The following CHD7 variants were observed in gnomAD, a reference collection of about 807,000 sequenced individuals.
The protein encoded by CHD7 is ATP-dependent chromatin remodeler CHD7.
A neutral mutation model predicts 307.3 loss-of-function variants in CHD7; 24 were observed. The observed-to-expected ratio is 0.08, with a 90% CI of 0.06 to 0.11. The LOEUF (loss-of-function observed/expected upper bound fraction) is 0.11. CHD7 is among the 10% of genes least tolerant of loss of function. The pLI, the probability that CHD7 is intolerant of heterozygous loss-of-function variation, is 1.00. For synonymous variants in CHD7, 1,363 were observed against 1,349.9 expected (o/e 1.01, Z -0.21); for missense variants, 3,106 against 3,727.1 (o/e 0.83, Z 4.34).
chr8:60,772,539 G>T, intron 2 of CHD7, among the ~76,000 whole-genome samples: 1 of 152,218 alleles, frequency 6.6e-6, no homozygotes, highest in East Asian at 1.9e-4. Context: ...TTGATCCTTA[G>T]TAAGCTGGGT....
chr8:60,769,421 C>G (rs1403174978), intron 2 of CHD7, among the ~76,000 whole-genome samples: 1 of 152,158 alleles, frequency 6.6e-6, no homozygotes, highest in Non-Finnish European at 1.5e-5. Flanking sequence ...ACTTTTATCT[C>G]ATAAAAATAG....
intron 8 of CHD7, among the ~76,000 whole-genome samples, 171 bp downstream of exon 8, chr8:60,816,672 T>C (rs1435028955): frequency 6.6e-6 from 1 of 152,236 alleles, no homozygotes; most frequent in African/African-American, 2.4e-5. Flanking sequence ...AATTTCTCAT[T>C]CTTCCTGTTG....
At chr8:60,795,195 T>G in intron 4 of CHD7, 68 bp downstream of exon 4, 1 of 1,451,168 alleles carries the variant, frequency 6.9e-7, no homozygotes, top group Non-Finnish European at 9.5e-7. Flanking sequence ...ATGTATGAAG[T>G]ACACAAGACC....
chr8:60,696,833 A>T (rs966471654), intron 1 of CHD7, among the ~76,000 whole-genome samples: 4 of 151,722 alleles, frequency 2.6e-5, no homozygotes, highest in African/African-American at 9.7e-5. Context: ...AATACTTTCA[A>T]ATTTTGCATG....
At chr8:60,764,596 G>A (rs1364857805) in intron 2 of CHD7, among the ~76,000 whole-genome samples, 1 of 152,126 alleles carries the variant, frequency 6.6e-6, no homozygotes, top group African/African-American at 2.4e-5. Context: ...TCAAAGATGA[G>A]GTAAGAAGCT....
intron 2 of CHD7, among the ~76,000 whole-genome samples, chr8:60,745,033 T>C (rs1017886526): frequency 2.0e-5 from 3 of 150,246 alleles, no homozygotes; most frequent in African/African-American, 7.3e-5. Context: ...GCAGCTTCCC[T>C]GAAGACCTTG....
intron 2 of CHD7, among the ~76,000 whole-genome samples, chr8:60,755,239 T>A (rs1809833172): frequency 6.6e-6 from 1 of 152,156 alleles, no homozygotes; most frequent in Non-Finnish European, 1.5e-5. Context: ...AGCTAAATTT[T>A]AAAAAATAAG....
chr8:60,741,502 C>G lies in CHD7; in HGVS notation c.70C>G (p.Leu24Val). 1 of 1,612,788 alleles carries G rather than the reference C, an allele frequency of 6.2e-7. No homozygotes were observed. The highest frequency in any genetic ancestry group is 8.5e-7 in the Non-Finnish European group (1 of 1,179,370). ...GNIFSEGLEG[L>V]GECGYPENPV... ...TATTTTCAGTGAAGGTCTTGAAGGC[C>G]TCGGAGAATGTGGTTACCCGGAAAA... The change falls in exon 2 of 38, where the codon CTC (leucine) becomes GTC (valine). Residue 24 changes from leucine to valine, a missense_variant. By Grantham distance (32) the Leu-to-Val change is conservative. Coordinates refer to ENST00000423902, the MANE Select transcript of CHD7 (RefSeq NM_017780.4).
chr8:60,862,419 GA>G (rs778088169), intron 36 of CHD7, 83 bp downstream of exon 36: 26 of 1,509,564 alleles, frequency 1.7e-5, no homozygotes, highest in Non-Finnish European at 2.1e-5. Context: ...TTCTATAGGG[GA>G]AAAGAATCCT....
At chr8:60,800,278 C>G in intron 4 of CHD7, 110 bp from the exon 5 acceptor site, 2 of 1,020,054 alleles carry the variant, frequency 2.0e-6, no homozygotes, top group South Asian at 3.5e-5. Flanking sequence ...GTGATCCGCC[C>G]GCCTCGGCCT....
Position 60,865,351 on chromosome 8 carries a change from G to C in CHD7, c.8412G>C (p.Ala2804=). The C allele has an allele frequency of 1.9e-6, 3 of 1,611,060 alleles. No individual in the cohort carries two copies. The highest frequency in any genetic ancestry group is 2.5e-6 in the Non-Finnish European group (3 of 1,178,988). The change falls in exon 38 of 38, where the codon GCG becomes GCC. Residue 2804 remains alanine (A), a synonymous_variant. Transcript: ENST00000423902. This position sits in a 1 kb window ranked among gnomAD's most constrained non-coding sequence, Gnocchi z 4.3. ...TGCCCCTGATGCTGCCAGGAATGGC[G>C]GGCCTGCCCAACGTGTTTGGCTTGG... ...AVLPLMLPGM[A]GLPNVFGLGG... is the part of the protein sequence containing the mutation.
chr8:60,811,880 A>G (rs906565053), intron 7 of CHD7, among the ~76,000 whole-genome samples: 5 of 152,170 alleles, frequency 3.3e-5, no homozygotes, highest in Non-Finnish European at 5.9e-5. Context: ...AAGAAATTGT[A>G]TTTCAGTTGA....
chr8:60,750,518 ATTT>A (rs1809588064), intron 2 of CHD7, among the ~76,000 whole-genome samples: 1 of 152,250 alleles, frequency 6.6e-6, no homozygotes, highest in African/African-American at 2.4e-5. Context: ...AATACAACGC[ATTT>A]ATGTTGATAC....
At chr8:60,833,245 A>G (rs1463261409) in intron 15 of CHD7, among the ~76,000 whole-genome samples, 2 of 152,364 alleles carry the variant, frequency 1.3e-5, no homozygotes, top group African/African-American at 4.8e-5. Flanking sequence ...GAAAAATAGA[A>G]GCAATTTTAT....
chr8:60,742,320 C>T lies in CHD7; in HGVS notation c.888C>T (p.Ser296=), dbSNP rs754445442. ...RPQTLNFSSR[S]QTVPSPTINN... The stretch of plus-strand genomic sequence containing the variant: ...AAACCCTTAACTTTAGTTCTCGGAG[C>T]CAGACAGTCCCCTCTCCTACTATAA... Residue 296 remains serine, a synonymous_variant, in exon 2 of 38, where the codon AGC becomes AGT. Coordinates refer to ENST00000423902, the MANE Select transcript of CHD7 (RefSeq NM_017780.4). 2 of 1,613,994 alleles carry T rather than the reference C, an allele frequency of 1.2e-6. No individual in the cohort carries two copies. Among genetic ancestry groups the T allele is most frequent in the South Asian group, 2.2e-5 (2 of 91,086 alleles).
At chr8:60,737,509 A>G (rs967490460) in intron 1 of CHD7, among the ~76,000 whole-genome samples, 8 of 152,214 alleles carry the variant, frequency 5.3e-5, no homozygotes, top group Non-Finnish European at 8.8e-5. Context: ...GAAGGTCTTC[A>G]GAGTGCTTCC....
Position 60,795,076 on chromosome 8 carries a change from A to T in CHD7, c.2187A>T (p.Lys729Asn). 1 of 1,613,826 alleles carries T rather than the reference A, an allele frequency of 6.2e-7. No individual in the cohort carries two copies. ...GTTCTGAAAATTCAGACTTAGACAAAACACCCCCACCATCTCCTCCTCCTG... is the reference window on the plus strand; with the variant it reads ...GTTCTGAAAATTCAGACTTAGACAATACACCCCCACCATCTCCTCCTCCTG... ...TEGSENSDLD[K>N]TPPPSPPPEE... The change falls in exon 4 of 38, where the codon AAA (lysine) becomes AAT (asparagine). Residue 729 changes from lysine to asparagine, a missense_variant. Lys to Asn is a moderately conservative substitution (Grantham distance 94). Coordinates refer to ENST00000423902, the MANE Select transcript of CHD7 (RefSeq NM_017780.4).
intron 2 of CHD7, among the ~76,000 whole-genome samples, chr8:60,761,561 C>G (rs1810207505): frequency 6.6e-6 from 1 of 151,418 alleles, no homozygotes. Flanking sequence ...CATGGGAACT[C>G]AAATTCATAA....
chr8:60,813,776 G>C (rs908592386), intron 7 of CHD7, among the ~76,000 whole-genome samples: 2 of 151,582 alleles, frequency 1.3e-5, no homozygotes, highest in African/African-American at 4.8e-5. Flanking sequence ...GTCTTAATGT[G>C]ATGTGGAGTT....
Sources: gnomAD v4.1 joint callset for allele counts (sites outside exome capture counted in the v4.1 genomes callset) on GRCh38, gnomAD v4.1.1 for gene constraint, Gnocchi (gnomAD v3.1) non-coding constraint, MANE v1.5 for transcripts, NCBI Gene and HGNC (gene_info 2026-07-23, HGNC 2026-07-21) for gene names.